Variants in PAK1 observed in about 807,000 individuals in gnomAD.
The protein encoded by PAK1 is p21 (RAC1) activated kinase 1.
PAK1 carries 29 observed loss-of-function variants against 67.4 expected under a neutral mutation model. That is an observed-to-expected ratio of 0.43 (90% CI 0.32 to 0.59). PAK1 has a LOEUF of 0.59. PAK1 is among the 20% of genes least tolerant of loss of function. PAK1 has a pLI of 0.07. For missense variants in PAK1, 337 were observed against 670.7 expected (o/e 0.50, Z 5.50); for synonymous variants, 223 against 237.4 (o/e 0.94, Z 0.56).
intron 1 of PAK1, among the ~76,000 whole-genome samples, chr11:77,463,324 A>G (rs1462163839): frequency 6.6e-6 from 1 of 152,200 alleles, no homozygotes; most frequent in African/African-American, 2.4e-5. Context: ...AATAATGGGT[A>G]TATGGGTGTT....
At chr11:77,357,895 G>GA (rs1381943205) in intron 6 of PAK1, among the ~76,000 whole-genome samples, 2 of 151,594 alleles carry the variant, frequency 1.3e-5, no homozygotes, top group East Asian at 1.9e-4. Flanking sequence ...GTTTAGTGGG[G>GA]AAAAAAATGT....
At chr11:77,359,227 G>C (rs1946450699) in intron 5 of PAK1, among the ~76,000 whole-genome samples, 1 of 151,966 alleles carries the variant, frequency 6.6e-6, no homozygotes, top group Non-Finnish European at 1.5e-5. Context: ...TCAGTCCCTT[G>C]GGGCTTCCTT....
At chr11:77,334,990 A>G (rs1020950846) in intron 13 of PAK1, among the ~76,000 whole-genome samples, 1 of 152,256 alleles carries the variant, frequency 6.6e-6, no homozygotes, top group Non-Finnish European at 1.5e-5. Context: ...GTCTCATCTT[A>G]ACCTATCAAT....
intron 5 of PAK1, among the ~76,000 whole-genome samples, chr11:77,359,680 G>C (rs1202421563): frequency 2.6e-5 from 4 of 152,082 alleles, no homozygotes; most frequent in Non-Finnish European, 1.5e-5. Flanking sequence ...CCACTAATTA[G>C]ATCTGCTTAC....
At chr11:77,493,593 T>A in the PAK1 span, among the ~76,000 whole-genome samples, 1 of 151,514 alleles carries the variant, frequency 6.6e-6, no homozygotes, top group Non-Finnish European at 1.5e-5. Flanking sequence ...ATGCCTGGCC[T>A]GCACTCAGTC....
At chr11:77,355,863 T>C in intron 6 of PAK1, 21 bp from the exon 7 acceptor site, 6 of 1,606,618 alleles carry the variant, frequency 3.7e-6, no homozygotes, top group Non-Finnish European at 5.1e-6. Context: ...AGTGCAAAAT[T>C]TTGGCAAGAC....
intron 1 of PAK1, among the ~76,000 whole-genome samples, chr11:77,394,973 T>TA (rs1432038585): frequency 6.6e-6 from 1 of 152,204 alleles, no homozygotes; most frequent in Admixed American, 6.5e-5. Context: ...TTCCCACCAC[T>TA]ACCACTCTAA....
intron 14 of PAK1, among the ~76,000 whole-genome samples, chr11:77,332,386 A>G (rs1391031675): frequency 2.8e-5 from 2 of 71,928 alleles, no homozygotes; most frequent in Non-Finnish European, 5.7e-5. Flanking sequence ...AGGGAAGGGA[A>G]GGGAAGGGAA....
chr11:77,406,269 C>G (rs554273431), intron 1 of PAK1, among the ~76,000 whole-genome samples: 232 of 152,356 alleles, frequency 1.5e-3, no homozygotes, highest in Non-Finnish European at 2.3e-3. Flanking sequence ...TATTAGACAA[C>G]TCCACCTGCG....
chr11:77,520,837 G>A, the PAK1 span, among the ~76,000 whole-genome samples: 8 of 152,068 alleles, frequency 5.3e-5, no homozygotes, highest in East Asian at 3.9e-4. Flanking sequence ...GCAAATACGC[G>A]GGGTATGTAA....
the PAK1 span, among the ~76,000 whole-genome samples, chr11:77,492,155 G>A: frequency 6.6e-6 from 1 of 152,046 alleles, no homozygotes; most frequent in Non-Finnish European, 1.5e-5. Context: ...GATGGATCAC[G>A]AACATTCCCT....
At chr11:77,387,714 G>A (rs1950625607) in intron 2 of PAK1, among the ~76,000 whole-genome samples, 1 of 152,186 alleles carries the variant, frequency 6.6e-6, no homozygotes, top group Non-Finnish European at 1.5e-5. Flanking sequence ...TAGGATGAAT[G>A]GGAAGTGAGG....
At chr11:77,480,787 G>C in the PAK1 span, among the ~76,000 whole-genome samples, 3 of 152,162 alleles carry the variant, frequency 2.0e-5, no homozygotes, top group Admixed American at 2.0e-4. Context: ...GCCTCCCAAA[G>C]TGCTGGGATT....
chr11:77,428,380 G>A (rs113276700), intron 1 of PAK1, among the ~76,000 whole-genome samples: 6 of 152,090 alleles, frequency 3.9e-5, no homozygotes, highest in South Asian at 4.2e-4. Context: ...TGGCTAGCGC[G>A]GTGAAACCCC....
intron 8 of PAK1, among the ~76,000 whole-genome samples, chr11:77,350,963 G>A (rs940336825): frequency 6.6e-6 from 1 of 151,914 alleles, no homozygotes; most frequent in Admixed American, 6.6e-5. Flanking sequence ...AGCCTCAGGG[G>A]ACTGTCTCCA....
chr11:77,432,942 T>C (rs1453821991), intron 1 of PAK1, among the ~76,000 whole-genome samples: 3 of 152,138 alleles, frequency 2.0e-5, no homozygotes, highest in African/African-American at 7.2e-5. Context: ...ATTTCAAAAC[T>C]TGATTATAAA....
chr11:77,331,164 C>G (rs972069944), intron 14 of PAK1, among the ~76,000 whole-genome samples: 90 of 152,188 alleles, frequency 5.9e-4, no homozygotes, highest in African/African-American at 2.0e-3. Context: ...TGGAGAAATA[C>G]GAACACTTTT....
At chr11:77,467,374 C>T (rs1295102368) in intron 1 of PAK1, among the ~76,000 whole-genome samples, 6 of 152,072 alleles carry the variant, frequency 3.9e-5, no homozygotes, top group Non-Finnish European at 8.8e-5. Flanking sequence ...CTGTTTCTCC[C>T]GGAAACTATA....
chr11:77,350,394 A>C (rs1945073487), intron 8 of PAK1, among the ~76,000 whole-genome samples: 1 of 152,226 alleles, frequency 6.6e-6, no homozygotes, highest in Non-Finnish European at 1.5e-5. Context: ...TCATATATAC[A>C]GACAGAGAAG....
Sources: allele counts gnomAD v4.1 joint callset (sites outside exome capture counted in the v4.1 genomes callset), GRCh38; gene constraint gnomAD v4.1.1; transcripts MANE v1.5; gene names NCBI Gene and HGNC (gene_info 2026-07-23, HGNC 2026-07-21).